The following NRCAM variants were observed in gnomAD, a reference collection of about 807,000 sequenced individuals.
The protein encoded by NRCAM is neuronal cell adhesion molecule, also known as NgCAM-related cell adhesion molecule.
A neutral mutation model predicts 156.5 loss-of-function variants in NRCAM; 83 were observed. The observed-to-expected ratio is 0.53, with a 90% CI of 0.44 to 0.64. NRCAM has a LOEUF of 0.64. NRCAM is among the 30% of genes least tolerant of loss of function. NRCAM has a pLI of 0.00. For missense variants in NRCAM, 1,417 were observed against 1,597.3 expected, an observed-to-expected ratio of 0.89 and a Z score of 1.92; for synonymous variants, 538 against 563.9, an observed-to-expected ratio of 0.95 and a Z score of 0.65.
intron 3 of NRCAM, among the ~76,000 whole-genome samples, chr7:108,254,550 G>T (rs1230367409): frequency 2.0e-4 from 20 of 100,210 alleles, no homozygotes; most frequent in South Asian, 2.9e-4. Context: ...AAACAATTTT[G>T]CTTTTTTTTT....
intron 2 of NRCAM, among the ~76,000 whole-genome samples, chr7:108,318,288 G>T (rs1052423203): frequency 2.0e-5 from 3 of 151,852 alleles, no homozygotes; most frequent in African/African-American, 7.3e-5. Context: ...CTTGTGATGT[G>T]CCCACTTCAG....
rs542026560 is a variant in NRCAM, at chr7:108,207,208, T to C, written c.1207+320A>G. The C allele has an allele frequency of 3.4e-5, 7 of 207,836 alleles. No homozygotes were observed. In the South Asian group the frequency reaches 6.6e-4, roughly 20 times the overall value. The allele number at this position is 207,836 out of a possible 1,614,324, so 12.9% of individuals were successfully genotyped here. A position where few individuals can be genotyped will look rare whatever the true frequency, so the allele number is the denominator to read the frequency against. The stretch of plus-strand genomic sequence containing the variant: ...ACATTTCTACAAATCACTTGATGTT[T>C]TGCACAAAGAAGATCATCTAAACTT... On this transcript the variant is annotated intron_variant, in intron 13 of 32. Coordinates refer to ENST00000379028, the MANE Select transcript of NRCAM (RefSeq NM_001037132.4).
At chr7:108,310,995 G>A (rs2098794920) in intron 3 of NRCAM, among the ~76,000 whole-genome samples, 1 of 152,116 alleles carries the variant, frequency 6.6e-6, no homozygotes, top group Non-Finnish European at 1.5e-5. Flanking sequence ...CATCCAGCCA[G>A]AAAAACTCCC....
chr7:108,152,610 A>C (rs779100813), intron 32 of NRCAM, among the ~76,000 whole-genome samples: 1 of 152,142 alleles, frequency 6.6e-6, no homozygotes, highest in Non-Finnish European at 1.5e-5. Context: ...AGTGTTGAGA[A>C]TAGCCTACCT....
At chr7:108,246,140 G>C (rs565296217) in intron 3 of NRCAM, among the ~76,000 whole-genome samples, 1 of 152,186 alleles carries the variant, frequency 6.6e-6, no homozygotes, top group Admixed American at 6.5e-5. Context: ...CTTTGCAAAC[G>C]AAAGGGAATT....
At chr7:108,309,889 TA>T (rs1216017210) in intron 3 of NRCAM, among the ~76,000 whole-genome samples, 3 of 152,088 alleles carry the variant, frequency 2.0e-5, no homozygotes, top group Non-Finnish European at 4.4e-5. Flanking sequence ...TAAATAGCAT[TA>T]AAATTGTATA....
At chr7:108,223,559 A>T (rs2092846373) in intron 11 of NRCAM, among the ~76,000 whole-genome samples, 166 bp downstream of exon 11, 1 of 152,224 alleles carries the variant, frequency 6.6e-6, no homozygotes, top group African/African-American at 2.4e-5. Flanking sequence ...TATAACAATA[A>T]TATGAGATTC....
At chr7:108,150,282 G>T in intron 32 of NRCAM, 135 bp from the exon 33 acceptor site, 2 of 730,940 alleles carry the variant, frequency 2.7e-6, no homozygotes, top group Non-Finnish European at 4.6e-6. Flanking sequence ...TTTTCAGGTT[G>T]ACTCCAATGA....
intron 6 of NRCAM, among the ~76,000 whole-genome samples, chr7:108,233,121 C>T (rs1271931087): frequency 1.3e-5 from 2 of 152,046 alleles, no homozygotes; most frequent in Admixed American, 6.6e-5. Context: ...TTTGAGAATC[C>T]CTTGGGAGGT....
intron 2 of NRCAM, among the ~76,000 whole-genome samples, chr7:108,334,321 C>T (rs1219830452): frequency 2.0e-5 from 3 of 152,154 alleles, no homozygotes; most frequent in Admixed American, 1.3e-4. Context: ...ATAATCTTCC[C>T]AAACACCAAT....
intron 2 of NRCAM, among the ~76,000 whole-genome samples, chr7:108,322,328 A>G (rs2099012278): frequency 6.6e-6 from 1 of 152,188 alleles, no homozygotes; most frequent in Non-Finnish European, 1.5e-5. Flanking sequence ...AAGTCTTTTC[A>G]TAGTACTGTT....
intron 3 of NRCAM, among the ~76,000 whole-genome samples, chr7:108,262,887 C>A (rs1335241590): frequency 6.6e-6 from 1 of 152,218 alleles, no homozygotes; most frequent in African/African-American, 2.4e-5. Flanking sequence ...TTTTTATTCT[C>A]CTTTGCCTCA....
At position 108,149,850 on chromosome 7, in the gene NRCAM, C is replaced by T. The variant is rs1054270265; in HGVS notation, c.*60G>A. Reference sequence around the variant, plus strand: ...TATGTTCATAGTATGAGAGGGCTGACAAACAAGTGCTTAGGATAAACATTC... The same window carrying T: ...TATGTTCATAGTATGAGAGGGCTGATAAACAAGTGCTTAGGATAAACATTC... On this transcript the variant is annotated 3_prime_UTR_variant, in exon 33 of 33. Transcript: ENST00000379028. 1.3e-5 allele frequency: 18 copies of T among 1,395,608 alleles called. No homozygotes were observed. The African/African-American group carries it at 2.4e-4, about 19-fold the overall frequency. The allele number at this position is 1,395,608 out of a possible 1,614,324, so 86.5% of individuals were successfully genotyped here.
intron 3 of NRCAM, among the ~76,000 whole-genome samples, chr7:108,255,390 G>T (rs2096585913): frequency 6.6e-6 from 1 of 152,224 alleles, no homozygotes; most frequent in Non-Finnish European, 1.5e-5. Flanking sequence ...CTGGTCTCCA[G>T]CTCCTGACCG....
At chr7:108,455,789 C>T (rs921584151) in intron 1 of NRCAM, among the ~76,000 whole-genome samples, 2 of 152,152 alleles carry the variant, frequency 1.3e-5, no homozygotes, top group East Asian at 1.9e-4. Flanking sequence ...CTCGCCCCGC[C>T]GGCACTGTGG....
At chr7:108,274,598 A>T (rs1261042957) in intron 3 of NRCAM, among the ~76,000 whole-genome samples, 2 of 152,292 alleles carry the variant, frequency 1.3e-5, no homozygotes, top group Admixed American at 1.3e-4. Context: ...TTGTATCCTG[A>T]GACTTTGCGG....
intron 1 of NRCAM, among the ~76,000 whole-genome samples, chr7:108,449,369 C>G (rs938533249): frequency 6.6e-6 from 1 of 152,208 alleles, no homozygotes; most frequent in East Asian, 1.9e-4. Context: ...CAGCTCCCCC[C>G]TCCCTTCACT....
At chr7:108,152,436 G>C (rs1195333856) in intron 32 of NRCAM, among the ~76,000 whole-genome samples, 1 of 151,820 alleles carries the variant, frequency 6.6e-6, no homozygotes, top group East Asian at 1.9e-4. Context: ...GAGAGAGAGA[G>C]AAAAGTAGGA....
rs394921 is a variant in NRCAM, at chr7:108,176,206, T to C, written c.3151+224A>G. The stretch of plus-strand genomic sequence containing the variant: ...ATATTATGCTTACTCACTCCCACAC[T>C]AAGATTTTAATGTAAGTTTAAGAAA... On this transcript the variant is annotated intron_variant, in intron 27 of 32. Transcript: ENST00000379028. Among the ~76,000 whole-genome samples, 130,598 of 152,128 alleles carry C rather than the reference T, an allele frequency of 0.86. 56,203 individuals are homozygous for C. Among genetic ancestry groups the C allele is most frequent in the East Asian group, 0.99 (5,130 of 5,178 alleles).
Sources: gnomAD v4.1 joint callset for allele counts (sites outside exome capture counted in the v4.1 genomes callset) on GRCh38, gnomAD v4.1.1 for gene constraint, MANE v1.5 for transcripts, NCBI Gene and HGNC (gene_info 2026-07-23, HGNC 2026-07-21) for gene names.